G3BP1: variants seen among roughly 807,000 people sequenced by gnomAD.
G3BP1 encodes the protein ras GTPase-activating protein-binding protein 1.
In G3BP1, 35 loss-of-function variants were observed where a neutral mutation model predicts 58.6. The ratio of observed to expected loss-of-function variants is 0.60; its 90% CI spans 0.46 to 0.79. The LOEUF (loss-of-function observed/expected upper bound fraction) is 0.79, where lower values mean the gene tolerates loss of function less well. Ranked by LOEUF, G3BP1 falls within the 30% of genes least tolerant of loss-of-function variation. The pLI is 0.00. For synonymous variants in G3BP1, 191 were observed against 195.4 expected, an observed-to-expected ratio of 0.98 and a Z score of 0.19; for missense variants, 523 against 580.8, an observed-to-expected ratio of 0.90 and a Z score of 1.02.
chr5:151,796,569 G>T (rs1455806802), intron 6 of G3BP1, among the ~76,000 whole-genome samples: 1 of 152,180 alleles, frequency 6.6e-6, no homozygotes, highest in African/African-American at 2.4e-5. Context: ...CCCCTCTGCA[G>T]TTTTAACAGC....
intron 4 of G3BP1, chr5:151,792,110 G>C (rs1762669596): frequency 2.2e-6 from 1 of 456,052 alleles, no homozygotes; most frequent in Admixed American, 2.4e-5. Flanking sequence ...AAGGAGGCCT[G>C]GTTCTTTTTA....
chr5:151,791,063 G>C lies in G3BP1; in HGVS notation c.351+1G>C. 1 of 1,609,184 alleles carries C rather than the reference G, an allele frequency of 6.2e-7. No individual in the cohort carries two copies. On this transcript the variant is annotated splice_donor_variant, in intron 4 of 11. Coordinates refer to ENST00000356245, the MANE Select transcript of G3BP1 (RefSeq NM_005754.3). LOFTEE classifies it high-confidence loss of function. Reference sequence around the variant, plus strand: ...GCAAACGTTTGTCCTTGCTCCTGAGGTATGTGTAGGAATGATTATTTTGTA... The same window carrying C: ...GCAAACGTTTGTCCTTGCTCCTGAGCTATGTGTAGGAATGATTATTTTGTA...
In G3BP1 at chr5:151,800,871, T is replaced by C; in HGVS notation, c.1194+2T>C. On this transcript the variant is annotated splice_donor_variant, in intron 11 of 11. Transcript: ENST00000356245. LOFTEE classifies it high-confidence loss of function. ...GTTCAGAAAGTCCTTAGCAACAGGGTAAGCAGCTTTTTGTCTTGATTTTTT... is the reference window on the plus strand; with the variant it reads ...GTTCAGAAAGTCCTTAGCAACAGGGCAAGCAGCTTTTTGTCTTGATTTTTT... The C allele has an allele frequency of 6.9e-7, 1 of 1,452,356 alleles. No individual in the cohort carries two copies. The highest frequency in any genetic ancestry group is 9.6e-7 in the Non-Finnish European group (1 of 1,044,708). The allele number at this position is 1,452,356 out of a possible 1,614,324, so 90.0% of individuals were successfully genotyped here.
At chr5:151,788,390 C>G (rs1762586906) in intron 2 of G3BP1, among the ~76,000 whole-genome samples, 1 of 151,536 alleles carries the variant, frequency 6.6e-6, no homozygotes, top group South Asian at 2.1e-4. Context: ...AGTCTCAAAG[C>G]TGTTTTTACC....
In G3BP1 at chr5:151,792,371, C is replaced by T. The variant is rs1407221009; in HGVS notation, c.351+1309C>T. 2.0e-5 allele frequency among the ~76,000 whole-genome samples: 3 copies of T among 152,020 alleles called. No homozygotes were observed. In the East Asian group the frequency reaches 5.8e-4, roughly 29 times the overall value. Reference sequence around the variant, plus strand: ...AATATGAGATAACTTTTTGTCTGTGCAAAATTACATGAAGCCAATTATAGT... The same window carrying T: ...AATATGAGATAACTTTTTGTCTGTGTAAAATTACATGAAGCCAATTATAGT... On this transcript the variant is annotated intron_variant, in intron 4 of 11. Coordinates refer to ENST00000356245, the MANE Select transcript of G3BP1 (RefSeq NM_005754.3).
At chr5:151,776,672 C>T (rs1053167563) in intron 1 of G3BP1, among the ~76,000 whole-genome samples, 1 of 151,570 alleles carries the variant, frequency 6.6e-6, no homozygotes, top group African/African-American at 2.4e-5. Context: ...CACTATAGAC[C>T]ACGGATATTA....
intron 1 of G3BP1, among the ~76,000 whole-genome samples, chr5:151,780,835 C>A (rs1489228891): frequency 1.2e-4 from 18 of 152,096 alleles, no homozygotes; most frequent in Admixed American, 1.0e-3. Flanking sequence ...GTTCTTTAGA[C>A]CCTTAACATT....
chr5:151,804,094 C>T lies in G3BP1; in HGVS notation c.*3C>T. On this transcript the variant is annotated 3_prime_UTR_variant, in exon 12 of 12. Transcript: ENST00000356245. ...GGGGGCTTGCGCCACGGCAGTGAAT[C>T]TTCATGGATCTTCATGCAGCCATAC... is the stretch of plus-strand genomic sequence containing the variant. 1 of 1,565,622 alleles carries T rather than the reference C, an allele frequency of 6.4e-7. No individual in the cohort carries two copies. The highest frequency in any genetic ancestry group is 1.2e-5 in the South Asian group (1 of 86,180).
rs1762943900 is a variant in G3BP1, at chr5:151,806,747, G to A, written c.*2656G>A. 6.6e-6 allele frequency: 1 copy of A among 152,140 alleles called. No individual in the cohort carries two copies. Among genetic ancestry groups the A allele is most frequent in the South Asian group, 2.1e-4 (1 of 4,822 alleles). The allele number at this position is 152,140 out of a possible 1,614,324, so 9.4% of individuals were successfully genotyped here. A position where few individuals can be genotyped will look rare whatever the true frequency, so the allele number is the denominator to read the frequency against. On this transcript the variant is annotated 3_prime_UTR_variant, in exon 12 of 12. Coordinates refer to ENST00000356245, the MANE Select transcript of G3BP1 (RefSeq NM_005754.3). ...TTTTCATCCGTAGGAATGGCCCAAT[G>A]TATAGTTATTAGCTACTGAGCTTAG...
intron 1 of G3BP1, among the ~76,000 whole-genome samples, chr5:151,785,881 G>T (rs974592730): frequency 6.6e-6 from 1 of 152,212 alleles, no homozygotes; most frequent in African/African-American, 2.4e-5. Context: ...AAATGTGATA[G>T]TTTGTCCCCG....
rs1762994562 is a variant in G3BP1 at position 151,810,001 on chromosome 5, AATACTTCAGCATTTTGC to A, written c.*5913_*5929del. 1 of 152,146 alleles carries A rather than the reference AATACTTCAGCATTTTGC, an allele frequency of 6.6e-6. No homozygotes were observed. 9.4% of individuals were successfully genotyped at this position (152,146 alleles called of 1,614,324 possible). A position where few individuals can be genotyped will look rare whatever the true frequency, so the allele number is the denominator to read the frequency against. On this transcript the variant is annotated 3_prime_UTR_variant, in exon 12 of 12. Coordinates refer to ENST00000356245, the MANE Select transcript of G3BP1 (RefSeq NM_005754.3). Reference sequence around the variant, plus strand: ...TGAAACTCAGCTGTAATTTCTCCTAAATACTTCAGCATTTTGCATTCTGTACATTGTGGTGCTTTTTC... The same window carrying A: ...TGAAACTCAGCTGTAATTTCTCCTAAATTCTGTACATTGTGGTGCTTTTTC...
intron 5 of G3BP1, 24 bp downstream of exon 5, chr5:151,794,273 TAC>T: frequency 7.1e-7 from 1 of 1,414,754 alleles, no homozygotes; most frequent in Non-Finnish European, 1.0e-6. Flanking sequence ...TACTTTAAAT[TAC>T]TTGTCTAAAT....
Position 151,782,537 on chromosome 5 carries a change from A to C in G3BP1, c.-49-4035A>C, listed in dbSNP as rs552992209. 2.0e-5 allele frequency among the ~76,000 whole-genome samples: 3 copies of C among 152,300 alleles called. No homozygotes were observed. The East Asian group carries it at 5.8e-4, about 29-fold the overall frequency. ...AGTGTATATCATTCTTAAGAATATT[A>C]TTTATATTTCAACATCCATTGGTGT... On this transcript the variant is annotated intron_variant, in intron 1 of 11. Transcript: ENST00000356245.
At chr5:151,801,942 G>A (rs1581583985) in intron 11 of G3BP1, among the ~76,000 whole-genome samples, 1 of 151,938 alleles carries the variant, frequency 6.6e-6, no homozygotes, top group East Asian at 1.9e-4. Context: ...AACTTCCTGA[G>A]TAGCTGGGAT....
intron 11 of G3BP1, among the ~76,000 whole-genome samples, chr5:151,803,507 T>G (rs568295678): frequency 9.9e-5 from 15 of 152,200 alleles, no homozygotes; most frequent in Admixed American, 2.6e-4. Flanking sequence ...TCTTTTTTTT[T>G]TCTGAGTCGG....
At chr5:151,775,412 A>C (rs1262020481) in intron 1 of G3BP1, among the ~76,000 whole-genome samples, 2 of 152,254 alleles carry the variant, frequency 1.3e-5, no homozygotes, top group East Asian at 3.8e-4. Context: ...TTTACTAAAA[A>C]GTGAATTGGA....
intron 1 of G3BP1, among the ~76,000 whole-genome samples, chr5:151,778,662 G>A (rs1203402104): frequency 2.0e-5 from 3 of 151,850 alleles, no homozygotes; most frequent in Non-Finnish European, 2.9e-5. Flanking sequence ...AGCTAGTCTC[G>A]AACTACTGAC....
At chr5:151,784,687 G>A (rs537572950) in intron 1 of G3BP1, among the ~76,000 whole-genome samples, 4 of 152,058 alleles carry the variant, frequency 2.6e-5, no homozygotes, top group Non-Finnish European at 4.4e-5. Context: ...AAATAGTGAA[G>A]CAGTATACTT....
chr5:151,775,113 A>G (rs1275066278), intron 1 of G3BP1, among the ~76,000 whole-genome samples: 1 of 152,218 alleles, frequency 6.6e-6, no homozygotes, highest in East Asian at 1.9e-4. Flanking sequence ...AGCTTAGTAA[A>G]TAAGGTCTTT....
Sources: gnomAD v4.1 joint callset for allele counts (sites outside exome capture counted in the v4.1 genomes callset) on GRCh38, gnomAD v4.1.1 for gene constraint, MANE v1.5 for transcripts, NCBI Gene and HGNC (gene_info 2026-07-23, HGNC 2026-07-21) for gene names.